The following C2orf76 variants were observed in gnomAD, a reference collection of about 807,000 sequenced individuals.
C2orf76 encodes the protein UPF0538 protein C2orf76.
C2orf76 carries 23 observed loss-of-function variants against 16.9 expected under a neutral mutation model. The ratio of observed to expected loss-of-function variants is 1.36; its 90% CI spans 0.98 to 1.93. C2orf76 has a LOEUF of 1.93. Among genes scored for constraint, C2orf76 ranks in the 30% most tolerant of loss-of-function variants. C2orf76 has a pLI of 0.00. For synonymous variants in C2orf76, 48 were observed against 52.3 expected (o/e 0.92, Z 0.35); for missense variants, 152 against 152.6 (o/e 1.00, Z 0.02).
Position 119,311,122 on chromosome 2 carries a change from T to C in C2orf76, c.304+500A>G, listed in dbSNP as rs556408211. On this transcript the variant is annotated intron_variant, in intron 5 of 5. Transcript: ENST00000334816. ...ATAAAACCACATGCACATTCTAGGCTGGAAGGCCCAATCAGGTACTTTTCA... is the reference window on the plus strand; with the variant it reads ...ATAAAACCACATGCACATTCTAGGCCGGAAGGCCCAATCAGGTACTTTTCA... 7.2e-6 allele frequency: 7 copies of C among 978,380 alleles called. No homozygotes were observed. In the Admixed American group the frequency reaches 3.7e-4, roughly 51 times the overall value. The allele number at this position is 978,380 out of a possible 1,614,324, so 60.6% of individuals were successfully genotyped here. A position where few individuals can be genotyped will look rare whatever the true frequency, so the allele number is the denominator to read the frequency against.
downstream of C2orf76, among the ~76,000 whole-genome samples, chr2:119,301,126 C>T (rs1459903223): frequency 6.8e-6 from 1 of 147,144 alleles, no homozygotes; most frequent in African/African-American, 2.6e-5. Flanking sequence ...GTCAACAATG[C>T]TCTGATGGCA....
the C2orf76 span, among the ~76,000 whole-genome samples, chr2:119,281,221 G>A: frequency 7.9e-5 from 12 of 152,180 alleles, no homozygotes; most frequent in East Asian, 1.7e-3. Flanking sequence ...TTCATCACCC[G>A]GGTATTAAGC....
chr2:119,296,976 A>G, the C2orf76 span, among the ~76,000 whole-genome samples: 270 of 152,330 alleles, frequency 1.8e-3, 7 homozygotes, highest in South Asian at 0.011. Context: ...TCTTTGACTT[A>G]TCAGATCTTA....
chr2:119,344,485 T>A (rs1269941084), intron 1 of C2orf76, among the ~76,000 whole-genome samples: 7 of 152,164 alleles, frequency 4.6e-5, no homozygotes, highest in Non-Finnish European at 1.0e-4. Context: ...ATAGACAATG[T>A]CCTTAACTAC....
At chr2:119,331,882 C>T (rs1051612703) in intron 2 of C2orf76, among the ~76,000 whole-genome samples, 2 of 152,110 alleles carry the variant, frequency 1.3e-5, no homozygotes, top group African/African-American at 2.4e-5. Context: ...CTGCGTTTTT[C>T]TTTCATTTTA....
At chr2:119,342,090 C>T (rs1423144379) in intron 1 of C2orf76, among the ~76,000 whole-genome samples, 1 of 152,116 alleles carries the variant, frequency 6.6e-6, no homozygotes, top group Non-Finnish European at 1.5e-5. Context: ...ACTGCAAAAA[C>T]TGGAAACAAC....
chr2:119,305,523 G>A (rs1251303167), intron 5 of C2orf76, among the ~76,000 whole-genome samples: 37 of 152,134 alleles, frequency 2.4e-4, no homozygotes, highest in Non-Finnish European at 1.5e-5. Flanking sequence ...ATGAGGCACA[G>A]CCCCTGTTGT....
At chr2:119,343,152 G>A (rs547260561) in intron 1 of C2orf76, among the ~76,000 whole-genome samples, 1 of 152,274 alleles carries the variant, frequency 6.6e-6, no homozygotes, top group Non-Finnish European at 1.5e-5. Flanking sequence ...TGTGGTTAAT[G>A]AGTTTAACAA....
chr2:119,306,305 G>A (rs537174263), intron 5 of C2orf76, among the ~76,000 whole-genome samples: 1 of 152,288 alleles, frequency 6.6e-6, no homozygotes, highest in South Asian at 2.1e-4. Context: ...CACAATATTA[G>A]CTGTACAGAC....
At chr2:119,337,706 C>G (rs534233984) in intron 2 of C2orf76, among the ~76,000 whole-genome samples, 18 of 152,210 alleles carry the variant, frequency 1.2e-4, no homozygotes, top group African/African-American at 4.3e-4. Flanking sequence ...AAAAGTTCAC[C>G]TTTTAGTCAG....
At chr2:119,291,872 T>C in the C2orf76 span, among the ~76,000 whole-genome samples, 1 of 152,068 alleles carries the variant, frequency 6.6e-6, no homozygotes, top group Non-Finnish European at 1.5e-5. Flanking sequence ...CTAGGTCACC[T>C]TAACAAAGTC....
At chr2:119,315,631 A>G (rs975248570) in intron 4 of C2orf76, among the ~76,000 whole-genome samples, 4 of 152,232 alleles carry the variant, frequency 2.6e-5, no homozygotes, top group African/African-American at 9.6e-5. Context: ...AGAAAAGTTG[A>G]AGCAGAAACT....
chr2:119,334,912 C>T (rs1679799404), intron 2 of C2orf76, among the ~76,000 whole-genome samples: 1 of 152,082 alleles, frequency 6.6e-6, no homozygotes, highest in South Asian at 2.1e-4. Flanking sequence ...AGGACTGTAT[C>T]TAACTGATAT....
the C2orf76 span, among the ~76,000 whole-genome samples, chr2:119,293,622 G>A: frequency 6.6e-6 from 1 of 152,220 alleles, no homozygotes; most frequent in Non-Finnish European, 1.5e-5. Flanking sequence ...AACCCAGTTG[G>A]AAGGAAGGTG....
chr2:119,307,226 A>G lies in C2orf76; in HGVS notation c.304+4396T>C, dbSNP rs567919157. 1.1e-3 allele frequency among the ~76,000 whole-genome samples: 170 copies of G among 151,954 alleles called. 1 individual carries two copies. The highest frequency in any genetic ancestry group is 2.0e-3 in the Non-Finnish European group (137 of 67,970). On this transcript the variant is annotated intron_variant, in intron 5 of 5. Transcript: ENST00000334816. ...AGGCTGAGGTGGGCAGATCACTTGA[A>G]GTCAGGAGTTCAAGACCAGCCTGGC...
At chr2:119,358,267 T>C (rs1490172401) in intron 1 of C2orf76, among the ~76,000 whole-genome samples, 1 of 152,192 alleles carries the variant, frequency 6.6e-6, no homozygotes, top group Non-Finnish European at 1.5e-5. Context: ...ATTAAAATGC[T>C]ATTACAGTGA....
chr2:119,293,063 G>A, the C2orf76 span, among the ~76,000 whole-genome samples: 3 of 152,106 alleles, frequency 2.0e-5, no homozygotes, highest in Non-Finnish European at 2.9e-5. Context: ...ACAAACAAAC[G>A]AACAAAAAAC....
the C2orf76 span, among the ~76,000 whole-genome samples, chr2:119,284,328 A>G: frequency 3.3e-5 from 5 of 152,162 alleles, no homozygotes; most frequent in Non-Finnish European, 7.3e-5. Context: ...GACACACCAC[A>G]AAGGCATAAG....
chr2:119,347,574 A>T (rs1195278841), intron 1 of C2orf76, among the ~76,000 whole-genome samples: 1 of 152,136 alleles, frequency 6.6e-6, no homozygotes, highest in African/African-American at 2.4e-5. Flanking sequence ...AGCGTAGATT[A>T]AAAAAAGAAT....
Sources: gnomAD v4.1 joint callset for allele counts (sites outside exome capture counted in the v4.1 genomes callset) on GRCh38, gnomAD v4.1.1 for gene constraint, MANE v1.5 for transcripts, NCBI Gene and HGNC (gene_info 2026-07-23, HGNC 2026-07-21) for gene names.